RBFOX1: variants seen among roughly 807,000 people sequenced by gnomAD.
RBFOX1 encodes RNA binding fox-1 homolog 1, also known as RNA binding protein fox-1 homolog 1.
A neutral mutation model predicts 57.7 loss-of-function variants in RBFOX1; 8 were observed. The ratio of observed to expected loss-of-function variants is 0.14; its 90% confidence interval spans 0.08 to 0.25. The LOEUF (loss-of-function observed/expected upper bound fraction) is 0.25, where lower values mean the gene tolerates loss of function less well. Ranked by LOEUF, RBFOX1 falls within the 10% of genes least tolerant of loss-of-function variation. RBFOX1 has a pLI of 1.00. For synonymous variants in RBFOX1, 326 were observed against 222.4 expected (o/e 1.47, Z -4.15); for missense variants, 611 against 548.5 (o/e 1.11, Z -1.14).
At chr16:6,605,734 T>TGAG in intron 2 of RBFOX1, among the ~76,000 whole-genome samples, 1 of 152,208 alleles carries the variant, frequency 6.6e-6, no homozygotes, top group South Asian at 2.1e-4. Flanking sequence ...AGAGATTCAG[T>TGAG]CCGTGTGTTC....
chr16:5,488,607 C>A (rs374622736), intron 2 of RBFOX1, among the ~76,000 whole-genome samples: 2 of 11,082 alleles, frequency 1.8e-4, no homozygotes, highest in Non-Finnish European at 6.1e-4. Context: ...TGTGGTGGGG[C>A]GTGATGGTGA....
rs199545706 is a variant in RBFOX1, at chr16:7,156,175, C to G, written c.27+104077C>G. ...TGTGACCACTGTGCCTGGCCGATCCCTCAACTCTTGATTCCTTTCTCAAGA... is the reference window on the plus strand; with the variant it reads ...TGTGACCACTGTGCCTGGCCGATCCGTCAACTCTTGATTCCTTTCTCAAGA... On this transcript the variant is annotated intron_variant, in intron 4 of 15. Transcript: ENST00000550418. Among the ~76,000 whole-genome samples, 16 of 151,862 alleles carry G rather than the reference C, an allele frequency of 1.1e-4. No individual in the cohort carries two copies. The East Asian group carries it at 3.1e-3, about 29-fold the overall frequency.
chr16:7,354,141 T>A (rs1247663008), intron 4 of RBFOX1, among the ~76,000 whole-genome samples: 2 of 151,928 alleles, frequency 1.3e-5, no homozygotes. Flanking sequence ...CAGCTAATTT[T>A]TGTAGTTTTA....
chr16:6,878,917 G>C (rs1603635709), intron 3 of RBFOX1, among the ~76,000 whole-genome samples: 2 of 152,218 alleles, frequency 1.3e-5, no homozygotes, highest in South Asian at 2.1e-4. Flanking sequence ...TAAAGAAAAG[G>C]GTAGGATTTT....
intron 2 of RBFOX1, among the ~76,000 whole-genome samples, chr16:5,598,046 T>C (rs1486819145): frequency 1.3e-5 from 2 of 152,108 alleles, no homozygotes; most frequent in East Asian, 3.9e-4. Context: ...CCGGTAATGT[T>C]AGTACTTTGG....
At chr16:5,451,780 G>A (rs772055398) in intron 1 of RBFOX1, among the ~76,000 whole-genome samples, 1 of 151,932 alleles carries the variant, frequency 6.6e-6, no homozygotes, top group African/African-American at 2.4e-5. Flanking sequence ...CTTTTTTCGT[G>A]TACCAGGCTA....
chr16:5,916,361 C>T (rs2043631), intron 4 of RBFOX1, among the ~76,000 whole-genome samples: 51,318 of 151,982 alleles, frequency 0.34, 9,032 homozygotes, highest in Middle Eastern at 0.5. Flanking sequence ...TGTATTAATT[C>T]TCGGTTTCAC....
intron 1 of RBFOX1, among the ~76,000 whole-genome samples, chr16:5,304,928 T>C (rs2151205777): frequency 6.6e-6 from 1 of 152,336 alleles, no homozygotes; most frequent in East Asian, 1.9e-4. Flanking sequence ...ACTGGCAATT[T>C]GAATCTTGTT....
intron 2 of RBFOX1, among the ~76,000 whole-genome samples, chr16:6,645,773 C>T (rs2098529173): frequency 1.3e-5 from 2 of 152,126 alleles, no homozygotes; most frequent in Non-Finnish European, 2.9e-5. Flanking sequence ...TGATAACTTG[C>T]CATATGCTAA....
At chr16:6,988,491 G>C (rs1277330667) in intron 3 of RBFOX1, among the ~76,000 whole-genome samples, 1 of 151,578 alleles carries the variant, frequency 6.6e-6, no homozygotes, top group African/African-American at 2.4e-5. Context: ...AACATATTGG[G>C]CTAAATATAT....
chr16:7,206,698 G>A (rs2090049842), intron 4 of RBFOX1, among the ~76,000 whole-genome samples: 1 of 152,070 alleles, frequency 6.6e-6, no homozygotes, highest in Non-Finnish European at 1.5e-5. Context: ...CACAGAGTGA[G>A]GATTTACGAA....
intron 4 of RBFOX1, among the ~76,000 whole-genome samples, chr16:7,461,252 C>T (rs973942068): frequency 6.6e-6 from 1 of 151,958 alleles, no homozygotes; most frequent in East Asian, 1.9e-4. Flanking sequence ...ACTGCAACCT[C>T]CACCTCCCAG....
chr16:7,047,716 CTTTTTTTTTTTT>C (rs55636828), intron 3 of RBFOX1, among the ~76,000 whole-genome samples: 2,550 of 48,134 alleles, frequency 0.053, 168 homozygotes, highest in African/African-American at 0.14. Flanking sequence ...TCCTGCATTT[CTTTTTTTTTTTT>C]TTTTTTTTTT....
At chr16:6,635,274 T>C (rs1179970152) in intron 2 of RBFOX1, among the ~76,000 whole-genome samples, 1 of 151,754 alleles carries the variant, frequency 6.6e-6, no homozygotes, top group Non-Finnish European at 1.5e-5. Context: ...TTTGGAACAT[T>C]AGTTCTTGTT....
chr16:5,392,873 G>C (rs1019864338), intron 1 of RBFOX1, among the ~76,000 whole-genome samples: 5 of 152,240 alleles, frequency 3.3e-5, no homozygotes, highest in African/African-American at 1.2e-4. Context: ...AACTTGGGCT[G>C]TTCAGAATCT....
intron 3 of RBFOX1, among the ~76,000 whole-genome samples, chr16:7,013,973 C>T (rs1000345068): frequency 6.6e-6 from 1 of 152,110 alleles, no homozygotes; most frequent in Non-Finnish European, 1.5e-5. Context: ...GCTATATACT[C>T]TATTCCGTAC....
chr16:5,393,655 C>CA (rs998476924), intron 1 of RBFOX1, among the ~76,000 whole-genome samples: 159 of 151,300 alleles, frequency 1.1e-3, no homozygotes, highest in African/African-American at 3.8e-3. Flanking sequence ...TTGCTCTTTT[C>CA]AAAAAAAGGA....
chr16:5,483,556 G>A (rs999890199), intron 2 of RBFOX1, among the ~76,000 whole-genome samples: 9 of 152,114 alleles, frequency 5.9e-5, no homozygotes, highest in Admixed American at 6.6e-5. Context: ...CCCAGCCACC[G>A]TAGCTGTCAG....
chr16:7,709,414 C>G lies in RBFOX1; in HGVS notation c.1071+283C>G, dbSNP rs535788589. 3.9e-5 allele frequency: 51 copies of G among 1,292,994 alleles called. 1 individual carries two copies. In the South Asian group the frequency reaches 7.1e-4, roughly 18 times the overall value. The allele number at this position is 1,292,994 out of a possible 1,614,324, so 80.1% of individuals were successfully genotyped here. A position where few individuals can be genotyped will look rare whatever the true frequency, so the allele number is the denominator to read the frequency against. ...TAATTAGTCATTTTGATAATTAAATCCATCACTAACAGAATGCAGTGTCAA... is the reference window on the plus strand; with the variant it reads ...TAATTAGTCATTTTGATAATTAAATGCATCACTAACAGAATGCAGTGTCAA... On this transcript the variant is annotated intron_variant, in intron 15 of 15. Coordinates refer to ENST00000550418, the MANE Select transcript of RBFOX1 (RefSeq NM_018723.4).
Sources: allele counts gnomAD v4.1 joint callset (sites outside exome capture counted in the v4.1 genomes callset), GRCh38; gene constraint gnomAD v4.1.1; transcripts MANE v1.5; gene names NCBI Gene and HGNC (gene_info 2026-07-23, HGNC 2026-07-21).